CEP112: variants seen among roughly 807,000 people sequenced by gnomAD.
The protein encoded by CEP112 is centrosomal protein of 112 kDa.
In CEP112, 127 loss-of-function variants were observed where a neutral mutation model predicts 153.0. That is an observed-to-expected ratio of 0.83 (90% CI 0.72 to 0.96). The LOEUF (loss-of-function observed/expected upper bound fraction) is 0.96, where lower values mean the gene tolerates loss of function less well. CEP112 is among the 40% of genes least tolerant of loss of function. The pLI, the probability that CEP112 is intolerant of heterozygous loss-of-function variation, is 0.00. For missense variants in CEP112, 1,089 were observed against 1,101.2 expected (o/e 0.99, Z 0.16); for synonymous variants, 358 against 374.4 (o/e 0.96, Z 0.51).
At chr17:66,172,872 A>AC (rs1334897787) in intron 4 of CEP112, among the ~76,000 whole-genome samples, 1 of 151,578 alleles carries the variant, frequency 6.6e-6, no homozygotes, top group Non-Finnish European at 1.5e-5. Context: ...TGATTATACT[A>AC]CCAGATATAA....
At chr17:65,844,405 G>C (rs551120024) in intron 21 of CEP112, among the ~76,000 whole-genome samples, 1 of 152,306 alleles carries the variant, frequency 6.6e-6, no homozygotes, top group East Asian at 1.9e-4. Context: ...TAAAAGTTTG[G>C]CTGGGTGCAG....
At position 66,121,054 on chromosome 17, in the gene CEP112, G is replaced by A. The variant is rs1042692727; in HGVS notation, c.642+8692C>T. ...AGCACTTTGGGAGGCCGAGGCGGGC[G>A]GATCGCCTGAGGTTGGGAGTTCGAG... On this transcript the variant is annotated intron_variant, in intron 6 of 26. Transcript: ENST00000535342. 6.6e-5 allele frequency among the ~76,000 whole-genome samples: 10 copies of A among 152,210 alleles called. No homozygotes were observed. The South Asian group carries it at 8.3e-4, about 13-fold the overall frequency.
Position 66,186,395 on chromosome 17 carries a change from G to A in CEP112, c.-8-3088C>T, listed in dbSNP as rs230604. 3.2e-3 allele frequency among the ~76,000 whole-genome samples: 488 copies of A among 151,976 alleles called. 2 individuals carry two copies. Among genetic ancestry groups the A allele is most frequent in the African/African-American group, 0.011 (471 of 41,456 alleles). On this transcript the variant is annotated intron_variant, in intron 1 of 26. Transcript: ENST00000535342. The stretch of plus-strand genomic sequence containing the variant: ...CGGCTCACTGCAACCTCCACCTCCC[G>A]GGTTCAAGGGATTCTCCTGCCTCAG...
chr17:66,137,147 A>AAT (rs199612165), intron 4 of CEP112, among the ~76,000 whole-genome samples: 1,902 of 152,274 alleles, frequency 0.012, 25 homozygotes, highest in Non-Finnish European at 0.016. Context: ...TAACAAACAA[A>AAT]ATATTTTTAA....
intron 4 of CEP112, among the ~76,000 whole-genome samples, chr17:66,138,873 T>C (rs1444658567): frequency 6.6e-6 from 1 of 151,870 alleles, no homozygotes; most frequent in Non-Finnish European, 1.5e-5. Context: ...CAAATTCTCA[T>C]CAATCAATGA....
chr17:66,053,599 T>C (rs911501019), intron 12 of CEP112, 137 bp downstream of exon 12: 3 of 759,354 alleles, frequency 4.0e-6, no homozygotes, highest in Non-Finnish European at 6.1e-6. Context: ...CATAAATCTG[T>C]ATGGAGTAGG....
intron 4 of CEP112, among the ~76,000 whole-genome samples, chr17:66,170,956 T>G (rs921135059): frequency 2.0e-5 from 3 of 152,126 alleles, no homozygotes; most frequent in Non-Finnish European, 4.4e-5. Flanking sequence ...TAGCTAAGTG[T>G]TGAAGCTGTT....
At chr17:65,739,668 G>A (rs371753539) in intron 23 of CEP112, among the ~76,000 whole-genome samples, 28 of 152,094 alleles carry the variant, frequency 1.8e-4, no homozygotes, top group African/African-American at 2.7e-4. Context: ...CCCGGGAGGC[G>A]GAAGTTGCGG....
intron 6 of CEP112, among the ~76,000 whole-genome samples, chr17:66,112,915 C>A (rs1385999117): frequency 6.6e-6 from 1 of 151,970 alleles, no homozygotes; most frequent in Non-Finnish European, 1.5e-5. Context: ...CATTGCACTC[C>A]AGCCTGGGTG....
chr17:65,961,646 GC>G, intron 17 of CEP112, 48 bp from the exon 18 acceptor site: 1 of 1,514,530 alleles, frequency 6.6e-7, no homozygotes, highest in East Asian at 2.3e-5. Flanking sequence ...AAAGAGCTAG[GC>G]CTGAATGAAA....
chr17:65,734,535 CATAAAT>C (rs1567935681), intron 23 of CEP112, among the ~76,000 whole-genome samples: 1 of 152,064 alleles, frequency 6.6e-6, no homozygotes, highest in East Asian at 1.9e-4. Context: ...TATGTGTAAA[CATAAAT>C]ATAATATTTT....
intron 16 of CEP112, among the ~76,000 whole-genome samples, chr17:66,025,380 C>G (rs529097287): frequency 1.3e-5 from 2 of 152,176 alleles, no homozygotes; most frequent in South Asian, 4.1e-4. Flanking sequence ...AACTATGCAT[C>G]TGGCCCGGGG....
At position 65,752,944 on chromosome 17, in the gene CEP112, T is replaced by C. The variant is rs185512175; in HGVS notation, c.2395-2220A>G. 2.7e-3 allele frequency among the ~76,000 whole-genome samples: 410 copies of C among 152,354 alleles called. 4 individuals are homozygous for C. The highest frequency in any genetic ancestry group is 1.4e-3 in the Non-Finnish European group (96 of 68,038). Reference sequence around the variant, plus strand: ...TCTGCAGAGGTTCTGATTCAATTTATCTGGGCTACAGGCTGGACACTAGGA... The same window carrying C: ...TCTGCAGAGGTTCTGATTCAATTTACCTGGGCTACAGGCTGGACACTAGGA... On this transcript the variant is annotated intron_variant, in intron 21 of 26. Transcript: ENST00000535342.
intron 4 of CEP112, among the ~76,000 whole-genome samples, chr17:66,150,122 G>A (rs990977165): frequency 7.1e-6 from 1 of 140,350 alleles, no homozygotes; most frequent in Non-Finnish European, 1.5e-5. Flanking sequence ...GGATGGTCTC[G>A]ATCTCTCGAC....
chr17:65,643,838 G>A (rs2045285898), intron 24 of CEP112, among the ~76,000 whole-genome samples: 1 of 152,212 alleles, frequency 6.6e-6, no homozygotes, highest in African/African-American at 2.4e-5. Context: ...AATTCTTGAT[G>A]TAAGCAGAAA....
At chr17:65,698,066 A>T (rs989770851) in intron 23 of CEP112, among the ~76,000 whole-genome samples, 1 of 150,312 alleles carries the variant, frequency 6.7e-6, no homozygotes, top group African/African-American at 2.4e-5. Flanking sequence ...AGCAACACTT[A>T]TTTTTTTTTC....
intron 17 of CEP112, among the ~76,000 whole-genome samples, chr17:65,971,764 A>T (rs2062846072): frequency 6.6e-6 from 1 of 152,214 alleles, no homozygotes; most frequent in African/African-American, 2.4e-5. Context: ...AATCAAAAGA[A>T]AGCTGGAGTC....
intron 23 of CEP112, among the ~76,000 whole-genome samples, chr17:65,691,264 T>A (rs906345366): frequency 2.0e-5 from 3 of 152,136 alleles, no homozygotes; most frequent in Non-Finnish European, 4.4e-5. Context: ...ATGGCTAAAT[T>A]AGTGTCCATT....
At chr17:65,916,926 G>C (rs932029168) in intron 19 of CEP112, among the ~76,000 whole-genome samples, 3 of 149,616 alleles carry the variant, frequency 2.0e-5, no homozygotes, top group Non-Finnish European at 4.5e-5. Flanking sequence ...CAGGCCAAAA[G>C]AAAAAAAAAG....
Sources: allele counts gnomAD v4.1 joint callset (sites outside exome capture counted in the v4.1 genomes callset), GRCh38; gene constraint gnomAD v4.1.1; transcripts MANE v1.5; gene names NCBI Gene and HGNC (gene_info 2026-07-23, HGNC 2026-07-21).